Variants in CDH23 observed in about 807,000 individuals in gnomAD.
The protein encoded by CDH23 is cadherin related 23.
CDH23 carries 189 observed loss-of-function variants against 317.1 expected under a neutral mutation model. The ratio of observed to expected loss-of-function variants is 0.60; its 90% confidence interval spans 0.53 to 0.67. The LOEUF is 0.67. Among genes scored for constraint, CDH23 ranks in the 30% least tolerant of loss-of-function variants. The pLI, the probability that CDH23 is intolerant of heterozygous loss-of-function variation, is 0.00. For missense variants in CDH23, 4,401 were observed against 4,592.4 expected (o/e 0.96, Z 1.20); for synonymous variants, 1,839 against 1,876.8 (o/e 0.98, Z 0.52).
chr10:71,519,664 T>C (rs905421308), intron 6 of CDH23, among the ~76,000 whole-genome samples: 10 of 152,216 alleles, frequency 6.6e-5, no homozygotes, highest in Non-Finnish European at 7.3e-5. Flanking sequence ...AGTTTTTTCA[T>C]CTGTAAAATA....
chr10:71,603,613 A>AGGGG (rs113275050), intron 9 of CDH23, among the ~76,000 whole-genome samples: 1 of 152,152 alleles, frequency 6.6e-6, no homozygotes, highest in African/African-American at 2.4e-5. Flanking sequence ...AGCAGGCAGC[A>AGGGG]GGGGGGGCCT....
chr10:71,509,868 C>T, intron 3 of CDH23: 1 of 576,062 alleles, frequency 1.7e-6, no homozygotes, highest in Non-Finnish European at 3.1e-6. Flanking sequence ...TTCCCTGATA[C>T]CATCATGACA....
At chr10:71,505,132 G>T (rs1853564043) in intron 3 of CDH23, among the ~76,000 whole-genome samples, 1 of 152,310 alleles carries the variant, frequency 6.6e-6, no homozygotes, top group South Asian at 2.1e-4. Context: ...TGGGGAGGAG[G>T]TTCCAGGAAA....
intron 3 of CDH23, among the ~76,000 whole-genome samples, chr10:71,466,333 CATGT>C (rs1212114580): frequency 6.6e-6 from 1 of 152,034 alleles, no homozygotes; most frequent in Non-Finnish European, 1.5e-5. Flanking sequence ...TATGAGCATG[CATGT>C]GTGTATGTAC....
chr10:71,732,934 C>G (rs909175475), intron 32 of CDH23, among the ~76,000 whole-genome samples: 14 of 152,222 alleles, frequency 9.2e-5, no homozygotes, highest in Admixed American at 8.5e-4. Context: ...ACAGCTCAGT[C>G]CCTCCCACAC....
At chr10:71,544,268 A>G (rs1234536971) in intron 6 of CDH23, among the ~76,000 whole-genome samples, 2 of 152,188 alleles carry the variant, frequency 1.3e-5, no homozygotes, top group Admixed American at 6.5e-5. Flanking sequence ...AATCAAATCA[A>G]ATAAACTCTC....
At chr10:71,773,725 C>T (rs1010301241) in intron 38 of CDH23, among the ~76,000 whole-genome samples, 1 of 152,164 alleles carries the variant, frequency 6.6e-6, no homozygotes, top group South Asian at 2.1e-4. Flanking sequence ...AGTTTAAAGC[C>T]CGTTCTACCG....
At chr10:71,452,123 C>A (rs1210990657) in intron 3 of CDH23, among the ~76,000 whole-genome samples, 1 of 152,192 alleles carries the variant, frequency 6.6e-6, no homozygotes, top group East Asian at 1.9e-4. Context: ...CCCGCCTGAG[C>A]TGTATGTAGA....
At chr10:71,715,692 A>G (rs1015736346) in intron 28 of CDH23, 8 of 380,404 alleles carry the variant, frequency 2.1e-5, no homozygotes, top group Admixed American at 1.7e-4. Flanking sequence ...ACGAGTGCAC[A>G]TCTCTTGACC....
chr10:71,590,534 A>G (rs1363685125), intron 9 of CDH23, among the ~76,000 whole-genome samples: 1 of 152,236 alleles, frequency 6.6e-6, no homozygotes, highest in Non-Finnish European at 1.5e-5. Flanking sequence ...GCTGAAGGGC[A>G]CTTCACAACG....
At chr10:71,701,967 A>C in intron 22 of CDH23, 55 bp from the exon 23 acceptor site, 1 of 1,585,050 alleles carries the variant, frequency 6.3e-7, no homozygotes, top group Non-Finnish European at 8.6e-7. Context: ...CGGCCAGCCC[A>C]GAGACACCCT....
At chr10:71,549,491 T>C (rs925921068) in intron 6 of CDH23, among the ~76,000 whole-genome samples, 4 of 152,166 alleles carry the variant, frequency 2.6e-5, no homozygotes, top group African/African-American at 9.7e-5. Flanking sequence ...TGGGCTCTAT[T>C]TTAAAGTCCT....
intron 1 of CDH23, among the ~76,000 whole-genome samples, chr10:71,399,680 G>C (rs1361783840): frequency 6.6e-6 from 1 of 152,124 alleles, no homozygotes; most frequent in Non-Finnish European, 1.5e-5. Flanking sequence ...CAACAGGATT[G>C]CTAGAGCCCA....
At position 71,812,761 on chromosome 10, in the gene CDH23, TC is replaced by T. The variant is rs762817614; in HGVS notation, c.9511-3del. On this transcript the variant is annotated splice_polypyrimidine_tract_variant and splice_region_variant and intron_variant, in intron 67 of 69. Transcript: ENST00000224721. Reference sequence around the variant, plus strand: ...CCTCTGCTCCAGCTAACATCCCCTCTCCCCAGGGAACTTTTGGGCGTGAGCC... The same window carrying T: ...CCTCTGCTCCAGCTAACATCCCCTCTCCCAGGGAACTTTTGGGCGTGAGCC... 3 of 1,613,056 alleles carry T rather than the reference TC, an allele frequency of 1.9e-6. No individual in the cohort carries two copies. The African/African-American group carries it at 4.0e-5, about 22-fold the overall frequency.
At chr10:71,758,260 G>A (rs1387474632) in intron 38 of CDH23, among the ~76,000 whole-genome samples, 3 of 152,138 alleles carry the variant, frequency 2.0e-5, no homozygotes, top group Non-Finnish European at 4.4e-5. Flanking sequence ...GGTTTTGTTG[G>A]GTCCGTGGTT....
chr10:71,537,486 T>A (rs1456024896), intron 6 of CDH23, among the ~76,000 whole-genome samples: 1 of 152,240 alleles, frequency 6.6e-6, no homozygotes, highest in African/African-American at 2.4e-5. Flanking sequence ...TTGGTATCAC[T>A]GATGCTGAGG....
intron 38 of CDH23, among the ~76,000 whole-genome samples, chr10:71,744,258 A>G (rs949523421): frequency 2.0e-5 from 3 of 152,042 alleles, no homozygotes; most frequent in Non-Finnish European, 4.4e-5. Flanking sequence ...GCCCTCCCCA[A>G]TCCTAATGCA....
At chr10:71,574,221 C>G (rs575434966) in intron 8 of CDH23, among the ~76,000 whole-genome samples, 1 of 152,022 alleles carries the variant, frequency 6.6e-6, no homozygotes, top group Non-Finnish European at 1.5e-5. Context: ...TATGCCTCCC[C>G]CTATCAGCGT....
rs1849777098 is a variant in CDH23, at chr10:71,439,592, ACC to A, written c.-5-233_-5-232del. 2.0e-5 allele frequency among the ~76,000 whole-genome samples: 3 copies of A among 152,312 alleles called. No homozygotes were observed. The South Asian group carries it at 6.2e-4, about 32-fold the overall frequency. ...AGAGGACCCAATAGGCCCCAGCCTC[ACC>A]CAGTGACTCACAGGCCACTGTGCTA... On this transcript the variant is annotated intron_variant, in intron 1 of 69. Coordinates refer to ENST00000224721, the MANE Select transcript of CDH23 (RefSeq NM_022124.6).
Sources: allele counts gnomAD v4.1 joint callset (sites outside exome capture counted in the v4.1 genomes callset), GRCh38; gene constraint gnomAD v4.1.1; transcripts MANE v1.5; gene names NCBI Gene and HGNC (gene_info 2026-07-23, HGNC 2026-07-21).